The following DOCK4 variants were observed in gnomAD, a reference collection of about 807,000 sequenced individuals.
The protein encoded by DOCK4 is dedicator of cytokinesis 4.
DOCK4 carries 97 observed loss-of-function variants against 268.1 expected under a neutral mutation model. The ratio of observed to expected loss-of-function variants is 0.36; its 90% CI spans 0.31 to 0.43. The LOEUF is 0.43. DOCK4 is among the 20% of genes least tolerant of loss of function. The probability of loss-of-function intolerance (pLI) is 1.00; values close to 1 mark genes in which losing one functional copy is unlikely to be tolerated. For synonymous variants in DOCK4, 954 were observed against 887.2 expected (o/e 1.08, Z -1.34); for missense variants, 2,145 against 2,455.7 (o/e 0.87, Z 2.67).
chr7:111,792,225 T>C (rs945526885), intron 30 of DOCK4, among the ~76,000 whole-genome samples: 2 of 152,262 alleles, frequency 1.3e-5, no homozygotes, highest in Non-Finnish European at 2.9e-5. Context: ...TTCAGCATCA[T>C]GGCTGAAAGC....
intron 7 of DOCK4, 59 bp downstream of exon 7, chr7:111,984,247 G>C: frequency 7.0e-7 from 1 of 1,429,840 alleles, no homozygotes; most frequent in Non-Finnish European, 9.7e-7. Flanking sequence ...AGTATGAGGA[G>C]TGCCATGGAA....
intron 1 of DOCK4, among the ~76,000 whole-genome samples, chr7:112,058,463 G>A (rs1013045843): frequency 2.0e-5 from 3 of 152,150 alleles, no homozygotes; most frequent in African/African-American, 4.8e-5. Flanking sequence ...GCTGTTTGAT[G>A]AGAATCTCTG....
intron 39 of DOCK4, among the ~76,000 whole-genome samples, chr7:111,760,643 A>T (rs546906219): frequency 3.3e-5 from 5 of 152,336 alleles, no homozygotes; most frequent in African/African-American, 1.2e-4. Flanking sequence ...AAATGTTAAT[A>T]AGCACATGTG....
At chr7:111,847,640 C>A (rs1804221056) in intron 23 of DOCK4, among the ~76,000 whole-genome samples, 1 of 152,166 alleles carries the variant, frequency 6.6e-6, no homozygotes, top group Non-Finnish European at 1.5e-5. Flanking sequence ...GAATATGTCT[C>A]ACAAGATCTG....
At chr7:111,805,884 A>C (rs777220771) in intron 30 of DOCK4, among the ~76,000 whole-genome samples, 3 of 152,216 alleles carry the variant, frequency 2.0e-5, no homozygotes, top group Non-Finnish European at 2.9e-5. Flanking sequence ...AAGTTAGTGC[A>C]TTTTGTATCT....
intron 8 of DOCK4, among the ~76,000 whole-genome samples, chr7:111,976,269 T>TATATA (rs1491543011): frequency 9.1e-5 from 3 of 33,142 alleles, no homozygotes; most frequent in Admixed American, 4.5e-4. Flanking sequence ...TGTGTGTCTA[T>TATATA]TATATATATA....
intron 1 of DOCK4, among the ~76,000 whole-genome samples, chr7:112,116,851 C>G (rs947562210): frequency 6.6e-6 from 1 of 152,172 alleles, no homozygotes; most frequent in African/African-American, 2.4e-5. Context: ...ACCTCATCTC[C>G]AAAGTGCTGG....
chr7:111,770,496 G>A (rs1798065695), intron 36 of DOCK4, among the ~76,000 whole-genome samples: 1 of 152,168 alleles, frequency 6.6e-6, no homozygotes, highest in South Asian at 2.1e-4. Context: ...ACACATAAGT[G>A]GAAAAGGTGA....
chr7:111,971,463 C>A, intron 8 of DOCK4: 1 of 225,662 alleles, frequency 4.4e-6, no homozygotes, highest in Non-Finnish European at 8.8e-6. Flanking sequence ...TTGCCTTCCC[C>A]TTGATAATGC....
intron 1 of DOCK4, among the ~76,000 whole-genome samples, chr7:112,067,475 C>T (rs960476828): frequency 6.6e-6 from 1 of 151,872 alleles, no homozygotes; most frequent in Non-Finnish European, 1.5e-5. Flanking sequence ...GAAGGTACGA[C>T]TTCAGCTAAG....
intron 1 of DOCK4, among the ~76,000 whole-genome samples, chr7:112,057,125 G>C (rs190919467): frequency 1.3e-5 from 2 of 152,152 alleles, no homozygotes; most frequent in Admixed American, 1.3e-4. Context: ...AAATAATGGA[G>C]CATATTTGCT....
At chr7:112,062,463 TA>T (rs1806508503) in intron 1 of DOCK4, among the ~76,000 whole-genome samples, 1 of 152,222 alleles carries the variant, frequency 6.6e-6, no homozygotes, top group South Asian at 2.1e-4. Context: ...TCAATGTTTT[TA>T]TATTTAACTA....
chr7:112,018,179 A>AAAAAAAAAAAAAAAAAAAAACAC, intron 1 of DOCK4, among the ~76,000 whole-genome samples: 5 of 72,630 alleles, frequency 6.9e-5, no homozygotes, highest in Middle Eastern at 7.4e-3. Context: ...AAAAAAAAAA[A>AAAAAAAAAAAAAAAAAAAAACAC]ACACAGGCAA....
At chr7:112,074,225 G>C (rs539633453) in intron 1 of DOCK4, among the ~76,000 whole-genome samples, 4 of 152,128 alleles carry the variant, frequency 2.6e-5, no homozygotes, top group African/African-American at 4.8e-5. Flanking sequence ...GGCAGATGTG[G>C]GTGAGTATCC....
intron 26 of DOCK4, among the ~76,000 whole-genome samples, chr7:111,827,333 T>C (rs928921123): frequency 5.9e-5 from 9 of 152,216 alleles, no homozygotes; most frequent in South Asian, 2.1e-4. Context: ...AAAATAATTA[T>C]ATTGAAAATC....
At chr7:112,150,619 C>T (rs1815967566) in intron 1 of DOCK4, among the ~76,000 whole-genome samples, 2 of 152,114 alleles carry the variant, frequency 1.3e-5, no homozygotes, top group African/African-American at 4.8e-5. Flanking sequence ...AGATCTTCCC[C>T]GAGGTGGCTT....
chr7:111,860,094 C>A (rs191194130), intron 23 of DOCK4, among the ~76,000 whole-genome samples: 2 of 152,200 alleles, frequency 1.3e-5, no homozygotes, highest in African/African-American at 4.8e-5. Context: ...CAAGATATCA[C>A]GTCCTGTTCT....
intron 5 of DOCK4, 25 bp from the exon 6 acceptor site, chr7:111,989,188 T>C: frequency 6.2e-7 from 1 of 1,613,324 alleles, no homozygotes; most frequent in Non-Finnish European, 8.5e-7. Flanking sequence ...AATGTGGAGA[T>C]TTGGCAGTCA....
At chr7:112,118,120 ACTT>A (rs1188596236) in intron 1 of DOCK4, among the ~76,000 whole-genome samples, 1 of 147,996 alleles carries the variant, frequency 6.8e-6, no homozygotes, top group Non-Finnish European at 1.5e-5. Flanking sequence ...CTTCTTGCAG[ACTT>A]CTTATTTATA....
Sources: gnomAD v4.1 joint callset for allele counts (sites outside exome capture counted in the v4.1 genomes callset) on GRCh38, gnomAD v4.1.1 for gene constraint, MANE v1.5 for transcripts, NCBI Gene and HGNC (gene_info 2026-07-23, HGNC 2026-07-21) for gene names.